Variants in SMIM27 observed in about 807,000 individuals in gnomAD.
SMIM27 encodes the protein transition zone microprotein 1.
In SMIM27, 3 loss-of-function variants were observed where a neutral mutation model predicts 1.8. That is an observed-to-expected ratio of 1.65 (90% CI 0.75 to 4.28). The LOEUF (loss-of-function observed/expected upper bound fraction) is 4.28. Ranked by LOEUF, SMIM27 falls within the 30% of genes most tolerant of loss-of-function variation. The pLI is 0.02. For synonymous variants in SMIM27, 19 were observed against 13.9 expected, an observed-to-expected ratio of 1.37 and a Z score of -0.82; for missense variants, 63 against 37.0, an observed-to-expected ratio of 1.70 and a Z score of -1.83.
chr9:32,558,173 G>A (rs1167993054), intron 1 of SMIM27, among the ~76,000 whole-genome samples: 2 of 147,046 alleles, frequency 1.4e-5, no homozygotes, highest in Non-Finnish European at 3.0e-5. Flanking sequence ...GTGCAGTGGC[G>A]CAACCTCGGC....
intron 1 of SMIM27, among the ~76,000 whole-genome samples, chr9:32,559,144 C>T (rs1020306844): frequency 1.3e-5 from 2 of 152,214 alleles, no homozygotes; most frequent in East Asian, 1.9e-4. Flanking sequence ...CCAGGTCCCA[C>T]ACTTAACTTC....
upstream of SMIM27, chr9:32,551,550 T>C: frequency 3.9e-6 from 1 of 253,882 alleles, no homozygotes; most frequent in Middle Eastern, 1.7e-3. Flanking sequence ...GCTCTTCCCC[T>C]TCCCACTCCC....
intron 1 of SMIM27, 31 bp downstream of exon 1, chr9:32,552,510 T>G: frequency 1.9e-6 from 3 of 1,567,866 alleles, no homozygotes; most frequent in Non-Finnish European, 2.6e-6. Context: ...GCCCCCACCG[T>G]GTCGACTCAC....
chr9:32,565,618 C>T (rs1035017404), intron 1 of SMIM27: 2 of 152,604 alleles, frequency 1.3e-5, no homozygotes, highest in African/African-American at 4.8e-5. Flanking sequence ...TGACGACTCA[C>T]AAGACATCCA....
chr9:32,559,816 A>G (rs1052639099), intron 1 of SMIM27, among the ~76,000 whole-genome samples: 1 of 152,196 alleles, frequency 6.6e-6, no homozygotes, highest in East Asian at 1.9e-4. Flanking sequence ...ACCAGTCTCT[A>G]AAACTAAACA....
chr9:32,563,888 T>C (rs1188869249), intron 1 of SMIM27, among the ~76,000 whole-genome samples: 1 of 152,228 alleles, frequency 6.6e-6, no homozygotes, highest in Non-Finnish European at 1.5e-5. Context: ...CTCTGTGTCC[T>C]TTGAAATATG....
downstream of SMIM27, chr9:32,553,918 T>C (rs564318342): frequency 1.9e-6 from 3 of 1,599,058 alleles, no homozygotes; most frequent in South Asian, 2.2e-5. Context: ...GTGGAATTAC[T>C]TCTCCAGTCT....
chr9:32,564,751 T>C (rs671018), intron 1 of SMIM27, among the ~76,000 whole-genome samples: 83,985 of 152,022 alleles, frequency 0.55, 23,624 homozygotes, highest in Middle Eastern at 0.68. Context: ...CTCTGATAAA[T>C]GGAGCAGGAG....
At chr9:32,559,039 C>T in intron 1 of SMIM27, 4 of 903,012 alleles carry the variant, frequency 4.4e-6, no homozygotes, top group Non-Finnish European at 6.9e-6. Context: ...CAAATTTTAA[C>T]TTAAGCTCCA....
chr9:32,563,298 A>C (rs1336381010), intron 1 of SMIM27, among the ~76,000 whole-genome samples: 2 of 152,102 alleles, frequency 1.3e-5, no homozygotes, highest in Non-Finnish European at 2.9e-5. Flanking sequence ...TTTGAGGATA[A>C]GTATTTTAAA....
At chr9:32,552,568 C>A in intron 1 of SMIM27, 89 bp downstream of exon 1, 2 of 1,162,952 alleles carry the variant, frequency 1.7e-6, no homozygotes, top group Non-Finnish European at 2.5e-6. Context: ...CCAGAAACTC[C>A]AAAATCCATT....
At chr9:32,557,481 C>G (rs1432627929), downstream of SMIM27, among the ~76,000 whole-genome samples, 1 of 147,488 alleles carries the variant, frequency 6.8e-6, no homozygotes, top group Non-Finnish European at 1.5e-5. Flanking sequence ...TTTTTTTTTT[C>G]CTTTTTCCTT....
At chr9:32,557,186 A>T (rs1821485592), downstream of SMIM27, among the ~76,000 whole-genome samples, 1 of 120,248 alleles carries the variant, frequency 8.3e-6, no homozygotes. Context: ...TTTTCCCGAG[A>T]CAGAGTCTCA....
rs2307671 is a variant in SMIM27, at chr9:32,566,853, GGCGGCCTGGATGAGCCACGCGT to G, written c.*406_*427del. 12,618 of 807,826 alleles carry G rather than the reference GGCGGCCTGGATGAGCCACGCGT, an allele frequency of 0.016. 1,105 individuals are homozygous for G. The African/African-American group carries it at 0.19, about 12-fold the overall frequency. The allele number at this position is 807,826 out of a possible 1,614,324, so 50.0% of individuals were successfully genotyped here. ...CCTGCTCATCACACAGTAGCTGCCG[GGCGGCCTGGATGAGCCACGCGT>G]GCGGCTGGCGAAAAGCACTGAGGAA... On this transcript the variant is annotated 3_prime_UTR_variant, in exon 2 of 2. Transcript: ENST00000451672.
At chr9:32,554,040 T>C (rs1821383736), downstream of SMIM27, 2 of 723,470 alleles carry the variant, frequency 2.8e-6, no homozygotes, top group African/African-American at 1.8e-5. Flanking sequence ...ACATGGAAAA[T>C]GTACTTGAGT....
chr9:32,555,644 T>C (rs1030609357), downstream of SMIM27, among the ~76,000 whole-genome samples: 1 of 152,218 alleles, frequency 6.6e-6, no homozygotes, highest in Non-Finnish European at 1.5e-5. Flanking sequence ...GTTTACAGAA[T>C]CCTGCCAGAA....
Position 32,558,780 on chromosome 9 carries a change from T to C in SMIM27, c.45+6301T>C. On this transcript the variant is annotated intron_variant, in intron 1 of 1. Coordinates refer to the SMIM27 transcript ENST00000451672. The stretch of plus-strand genomic sequence containing the variant: ...TGTTTTGTTTTGTTTTTTACAAGAA[T>C]ACACAAAACAGGGACTTAAACCGAA... 5.4e-6 allele frequency: 3 copies of C among 553,974 alleles called. No homozygotes were observed. The East Asian group carries it at 8.7e-5, about 16-fold the overall frequency. 34.3% of individuals were successfully genotyped at this position (553,974 alleles called of 1,614,324 possible).
chr9:32,552,088 T>C (rs1032448373), upstream of SMIM27: 20 of 490,922 alleles, frequency 4.1e-5, no homozygotes. Context: ...AACTTTTAAA[T>C]GGACACGACA....
Position 32,552,847 on chromosome 9 carries a change from C to T in SMIM27, c.92C>T (p.Ala31Val), listed in dbSNP as rs1348492597. 5 of 702,770 alleles carry T rather than the reference C, an allele frequency of 7.1e-6. No individual in the cohort carries two copies. In the East Asian group the frequency reaches 1.1e-4, roughly 15 times the overall value. 43.5% of individuals were successfully genotyped at this position (702,770 alleles called of 1,614,324 possible). The change falls in exon 2 of 2, where the codon GCT (alanine) becomes GTT (valine). Residue 31 changes from alanine (A) to valine (V), a missense_variant. Coordinates refer to ENST00000692500, the MANE Select transcript of SMIM27 (RefSeq NM_001387564.1). ...ATCTCCTGGGGCTGCATCATCTATG[C>T]TTCGATGGTGTCTGCAAGACGACAG... Reference protein sequence around the residue: ...VLISWGCIIYASMVSARRQLR... With the variant: ...VLISWGCIIYVSMVSARRQLR...
Sources: gnomAD v4.1 joint callset for allele counts (sites outside exome capture counted in the v4.1 genomes callset) on GRCh38, gnomAD v4.1.1 for gene constraint, MANE v1.5 for transcripts, NCBI Gene and HGNC (gene_info 2026-07-23, HGNC 2026-07-21) for gene names.